ATP2C1: variants seen among roughly 807,000 people sequenced by gnomAD.
ATP2C1 encodes ATPase secretory pathway Ca2+ transporting 1.
ATP2C1 carries 31 observed loss-of-function variants against 120.5 expected under a neutral mutation model. The observed-to-expected ratio is 0.26, with a 90% confidence interval of 0.19 to 0.35. The LOEUF is 0.35. Ranked by LOEUF, ATP2C1 falls within the 10% of genes least tolerant of loss-of-function variation. The pLI, the probability that ATP2C1 is intolerant of heterozygous loss-of-function variation, is 1.00. For missense variants in ATP2C1, 731 were observed against 1,107.5 expected (o/e 0.66, Z 4.83); for synonymous variants, 351 against 358.7 (o/e 0.98, Z 0.24).
At chr3:130,995,745 A>C (rs934663681) in intron 22 of ATP2C1, among the ~76,000 whole-genome samples, 1 of 152,148 alleles carries the variant, frequency 6.6e-6, no homozygotes, top group Non-Finnish European at 1.5e-5. Flanking sequence ...GGTTTAAGCG[A>C]TTCTCCTGCC....
Position 130,984,896 on chromosome 3 carries a change from ACACT to A in ATP2C1, c.1839+4220_1839+4223del, listed in dbSNP as rs1398217216. 7.9e-5 allele frequency among the ~76,000 whole-genome samples: 12 copies of A among 151,160 alleles called. No homozygotes were observed. The East Asian group carries it at 2.3e-3, about 29-fold the overall frequency. On this transcript the variant is annotated intron_variant, in intron 20 of 27. Transcript: ENST00000510168. ...GTTTTGCAAGCATTTGCAAGCATAAACACTCAGGCATATTATATGACAGAAAGAT... is the reference window on the plus strand; with the variant it reads ...GTTTTGCAAGCATTTGCAAGCATAAACAGGCATATTATATGACAGAAAGAT...
At chr3:130,969,749 G>A (rs2061211740) in intron 17 of ATP2C1, among the ~76,000 whole-genome samples, 1 of 152,134 alleles carries the variant, frequency 6.6e-6, no homozygotes, top group Admixed American at 6.5e-5. Flanking sequence ...GTTTCAATCT[G>A]TGTTCTTTCA....
intron 20 of ATP2C1, among the ~76,000 whole-genome samples, chr3:130,985,501 T>G (rs971643311): frequency 6.6e-6 from 1 of 151,676 alleles, no homozygotes; most frequent in African/African-American, 2.4e-5. Flanking sequence ...GGTGTGGTGG[T>G]GGGCGCCTGT....
intron 6 of ATP2C1, among the ~76,000 whole-genome samples, chr3:130,938,929 A>G (rs930964634): frequency 3.3e-5 from 5 of 152,356 alleles, no homozygotes; most frequent in African/African-American, 9.6e-5. Context: ...ATAAGTCAAT[A>G]TGGAATTTTA....
intron 8 of ATP2C1, among the ~76,000 whole-genome samples, chr3:130,947,138 T>A (rs1209683395): frequency 6.6e-6 from 1 of 152,156 alleles, no homozygotes; most frequent in Non-Finnish European, 1.5e-5. Context: ...CAACTTCTAA[T>A]GTGCCTAGGA....
chr3:130,903,705 T>TCCCCTTTCC (rs373874473), intron 2 of ATP2C1, among the ~76,000 whole-genome samples: 23 of 14,274 alleles, frequency 1.6e-3, no homozygotes, highest in African/African-American at 3.2e-3. Context: ...CTTTCCCCTT[T>TCCCCTTTCC]CCTTTCCTTT....
At chr3:130,955,853 G>A (rs2060558205) in intron 10 of ATP2C1, 3 of 383,744 alleles carry the variant, frequency 7.8e-6, no homozygotes, top group South Asian at 2.5e-5. Flanking sequence ...AGGAAGCATA[G>A]AGAGAACGGA....
intron 11 of ATP2C1, 87 bp downstream of exon 11, chr3:130,956,266 G>A: frequency 1.3e-6 from 1 of 769,976 alleles, no homozygotes; most frequent in Non-Finnish European, 2.1e-6. Flanking sequence ...TTTATTTATT[G>A]GCTTTTCTTT....
intron 2 of ATP2C1, chr3:130,918,892 T>A: frequency 3.1e-6 from 1 of 318,132 alleles, no homozygotes; most frequent in Non-Finnish European, 6.1e-6. Context: ...CTCGGGAGGC[T>A]GAGGCAGGAG....
chr3:130,999,312 A>T lies in ATP2C1; in HGVS notation c.2488-206A>T, dbSNP rs56271120. Among the ~76,000 whole-genome samples, 19,526 of 152,148 alleles carry T rather than the reference A, an allele frequency of 0.13. 1,556 individuals are homozygous for T. The highest frequency in any genetic ancestry group is 0.17 in the East Asian group (882 of 5,166). ...TTTTTAAGCAAGCCTTTTCTTGATA[A>T]ATAAAATAAAAGCTACTTTAATATT... is the stretch of plus-strand genomic sequence containing the variant. On this transcript the variant is annotated intron_variant, in intron 26 of 27. Transcript: ENST00000510168.
At chr3:130,931,935 G>C in intron 3 of ATP2C1, 87 bp from the exon 4 acceptor site, 1 of 858,804 alleles carries the variant, frequency 1.2e-6, no homozygotes. Context: ...TTCTGTAAAT[G>C]TGATAATACA....
intron 1 of ATP2C1, among the ~76,000 whole-genome samples, chr3:130,882,225 T>C (rs1471563041): frequency 6.6e-6 from 1 of 151,398 alleles, no homozygotes; most frequent in Non-Finnish European, 1.5e-5. Flanking sequence ...TTTTTTTTTT[T>C]CTCACTCTGT....
In ATP2C1 at chr3:130,894,587, C is replaced by A; in HGVS notation, c.-180-3C>A. On this transcript the variant is annotated splice_polypyrimidine_tract_variant and splice_region_variant and intron_variant, in intron 1 of 27. Coordinates refer to ENST00000510168, the MANE Select transcript of ATP2C1 (RefSeq NM_001378687.1). The surrounding 1 kb of genome is among the most constrained non-coding windows in gnomAD (Gnocchi z 4.5). ...GCGCCGCTTCTCCTGGTTTCTCTTG[C>A]AGATGCTGCTGCTAGGGGTGGTGGG... 1 of 1,490,284 alleles carries A rather than the reference C, an allele frequency of 6.7e-7. No homozygotes were observed. Among genetic ancestry groups the A allele is most frequent in the Non-Finnish European group, 8.9e-7 (1 of 1,119,732 alleles). The allele number at this position is 1,490,284 out of a possible 1,614,324, so 92.3% of individuals were successfully genotyped here.
At chr3:130,885,767 C>T (rs1238416401) in intron 1 of ATP2C1, among the ~76,000 whole-genome samples, 3 of 152,196 alleles carry the variant, frequency 2.0e-5, no homozygotes, top group South Asian at 4.1e-4. Flanking sequence ...CTACATGCCA[C>T]AATTACAGTT....
chr3:130,955,157 T>C (rs1312550319), intron 10 of ATP2C1, 77 bp downstream of exon 10: 5 of 985,622 alleles, frequency 5.1e-6, no homozygotes, highest in Admixed American at 1.7e-5. Flanking sequence ...TGTTGGATTA[T>C]TTTATATACT....
At position 130,894,893 on chromosome 3, in the gene ATP2C1, G is replaced by A; in HGVS notation, c.6+118G>A. The A allele has an allele frequency of 1.8e-6, 2 of 1,105,646 alleles. No homozygotes were observed. Among genetic ancestry groups the A allele is most frequent in the Non-Finnish European group, 2.8e-6 (2 of 717,222 alleles). The allele number at this position is 1,105,646 out of a possible 1,614,324, so 68.5% of individuals were successfully genotyped here. A position where few individuals can be genotyped will look rare whatever the true frequency, so the allele number is the denominator to read the frequency against. The stretch of plus-strand genomic sequence containing the variant: ...GTGAGCTTATTTATTTACTGTGTAT[G>A]TGAAGTGTCCAAGGATTTGCTTACT... On this transcript the variant is annotated intron_variant, in intron 2 of 27. Coordinates refer to ENST00000510168, the MANE Select transcript of ATP2C1 (RefSeq NM_001378687.1). This position sits in a 1 kb window ranked among gnomAD's most constrained non-coding sequence, Gnocchi z 4.5.
intron 1 of ATP2C1, among the ~76,000 whole-genome samples, chr3:130,885,158 T>C (rs949444364): frequency 2.6e-5 from 4 of 152,102 alleles, no homozygotes; most frequent in Non-Finnish European, 5.9e-5. Context: ...GGTCTCAAAC[T>C]TCTGACCTCA....
intron 8 of ATP2C1, among the ~76,000 whole-genome samples, chr3:130,949,931 T>G (rs905694814): frequency 6.6e-6 from 1 of 152,146 alleles, no homozygotes; most frequent in African/African-American, 2.4e-5. Context: ...ATTTCTAATC[T>G]GCATTTTAAT....
intron 7 of ATP2C1, among the ~76,000 whole-genome samples, chr3:130,941,244 G>GTGTGTGTGTGTGTGTC (rs2059894794): frequency 6.7e-6 from 1 of 149,088 alleles, no homozygotes; most frequent in African/African-American, 2.5e-5. Flanking sequence ...GTGTGTGTGT[G>GTGTGTGTGTGTGTGTC]TGTGTGTGTG....
Sources: allele counts gnomAD v4.1 joint callset (sites outside exome capture counted in the v4.1 genomes callset), GRCh38; gene constraint gnomAD v4.1.1; non-coding constraint Gnocchi (gnomAD v3.1); transcripts MANE v1.5; gene names NCBI Gene and HGNC (gene_info 2026-07-23, HGNC 2026-07-21).